PPOX: variants seen among roughly 807,000 people sequenced by gnomAD.
PPOX encodes the protein protoporphyrinogen oxidase, also known as variegate porphyria.
In PPOX, 23 loss-of-function variants were observed where a neutral mutation model predicts 54.1. That is an observed-to-expected ratio of 0.43 (90% CI 0.31 to 0.60). The LOEUF (loss-of-function observed/expected upper bound fraction) is 0.60, where lower values mean the gene tolerates loss of function less well. Among genes scored for constraint, PPOX ranks in the 20% least tolerant of loss-of-function variants. PPOX has a pLI of 0.13. For synonymous variants in PPOX, 224 were observed against 236.1 expected (o/e 0.95, Z 0.47); for missense variants, 512 against 601.1 (o/e 0.85, Z 1.55).
downstream of PPOX, chr1:161,171,365 G>A: frequency 9.7e-7 from 1 of 1,030,220 alleles, no homozygotes; most frequent in Non-Finnish European, 1.4e-6. Flanking sequence ...CCCTGAGCCA[G>A]GACCAGAAGA....
intron 9 of PPOX, 88 bp from the exon 10 acceptor site, chr1:161,170,321 T>TTTC: frequency 2.7e-6 from 1 of 367,766 alleles, no homozygotes. Flanking sequence ...TGAGACTCTG[T>TTTC]CCCCCCCACC....
intron 8 of PPOX, 45 bp downstream of exon 8, chr1:161,169,765 G>A (rs1445531847): frequency 6.2e-7 from 1 of 1,613,740 alleles, no homozygotes; most frequent in East Asian, 2.2e-5. Context: ...CTACCAGTGA[G>A]AAGCAAAAGC....
At chr1:161,177,044 G>T (rs769600628), downstream of PPOX, 1 of 1,535,990 alleles carries the variant, frequency 6.5e-7, no homozygotes, top group Admixed American at 2.0e-5. Flanking sequence ...TAGGGTGGGG[G>T]TGGCGTCCTC....
downstream of PPOX, chr1:161,175,869 G>T (rs767196265): frequency 1.2e-6 from 2 of 1,614,130 alleles, no homozygotes; most frequent in South Asian, 1.1e-5. Context: ...GACCCCCTGG[G>T]GCCCCAGGCA....
At chr1:161,176,298 C>A in intron 4 of PPOX, 1 of 585,872 alleles carries the variant, frequency 1.7e-6, no homozygotes, top group South Asian at 2.1e-5. Context: ...TCCTCTACCT[C>A]CCCCCAAACC....
chr1:161,170,499 C>T lies in PPOX; in HGVS notation c.1078C>T (p.Pro360Ser). The change falls in exon 10 of 13, where the codon CCC (proline) becomes TCC (serine). Residue 360 changes from proline to serine, a missense_variant. By Grantham distance (74) the Pro-to-Ser change is moderately conservative. Transcript: ENST00000367999. Reference protein sequence around the residue: ...SVAFPEQDGSPPGLRVTVMLG... With the variant: ...SVAFPEQDGSSPGLRVTVMLG... ...TGCTTTCCCTGAGCAGGACGGGAGC[C>T]CCCCTGGCCTCAGAGTGACTGTGAG... 2 of 1,614,164 alleles carry T rather than the reference C, an allele frequency of 1.2e-6. No individual in the cohort carries two copies. Among genetic ancestry groups the T allele is most frequent in the Non-Finnish European group, 1.7e-6 (2 of 1,180,008 alleles).
In PPOX at chr1:161,167,425, G is replaced by C; in HGVS notation, c.277G>C (p.Ala93Pro). The C allele has an allele frequency of 6.2e-7, 1 of 1,613,720 alleles. No individual in the cohort carries two copies. Residue 93 changes from alanine to proline, a missense_variant, in exon 4 of 13, where the codon GCT becomes CCT. Coordinates refer to ENST00000367999, the MANE Select transcript of PPOX (RefSeq NM_001122764.3). Reference protein sequence around the residue: ...EVLPVRGDHPAAQNRFLYVGG... With the variant: ...EVLPVRGDHPPAQNRFLYVGG... ...GCTGCCTGTCCGGGGAGACCACCCA[G>C]CTGCCCAGAACAGGTTCCTCTACGT...
downstream of PPOX, chr1:161,176,067 G>A: frequency 2.5e-6 from 4 of 1,613,946 alleles, no homozygotes; most frequent in Non-Finnish European, 3.4e-6. Flanking sequence ...ACATCCTGGG[G>A]GTGAGATCTA....
At chr1:161,171,328 AT>A, downstream of PPOX, 1 of 1,277,422 alleles carries the variant, frequency 7.8e-7, no homozygotes, top group Non-Finnish European at 1.1e-6. Flanking sequence ...AAAGTCCTTT[AT>A]TAGAAAATAT....
downstream of PPOX, chr1:161,171,313 G>T (rs1043484446): frequency 7.9e-6 from 11 of 1,396,936 alleles, no homozygotes; most frequent in Non-Finnish European, 8.0e-6. Context: ...GAGCAGATGC[G>T]AGACAAAGTC....
At chr1:161,174,931 G>T, downstream of PPOX, 1 of 1,520,248 alleles carries the variant, frequency 6.6e-7, no homozygotes, top group Non-Finnish European at 9.1e-7. Flanking sequence ...AAAGTGAAGT[G>T]GCATGTGCTT....
chr1:161,167,549 C>CTTCTT lies in PPOX; in HGVS notation c.338+71_338+75dup, dbSNP rs1553237547. On this transcript the variant is annotated intron_variant, in intron 4 of 12. Transcript: ENST00000367999. ...ATCCTCATATGCCTTCCATTTCTTT[C>CTTCTT]TTCTTTTCTTTTTTTTTTTTTTTTT... 6 of 692,946 alleles carry CTTCTT rather than the reference C, an allele frequency of 8.7e-6. No individual in the cohort carries two copies. In the African/African-American group the frequency reaches 1.3e-4, roughly 15 times the overall value. The allele number at this position is 692,946 out of a possible 1,614,324, so 42.9% of individuals were successfully genotyped here. A position where few individuals can be genotyped will look rare whatever the true frequency, so the allele number is the denominator to read the frequency against.
At chr1:161,173,333 C>T (rs1662195614), downstream of PPOX, among the ~76,000 whole-genome samples, 1 of 152,196 alleles carries the variant, frequency 6.6e-6, no homozygotes, top group Non-Finnish European at 1.5e-5. Flanking sequence ...TGTCTCTGGG[C>T]CCCTTTCCAG....
downstream of PPOX, chr1:161,171,969 C>A: frequency 6.2e-7 from 1 of 1,614,128 alleles, no homozygotes; most frequent in Non-Finnish European, 8.5e-7. Flanking sequence ...GAGGGTCAGT[C>A]CCAATGTCTG....
chr1:161,173,968 G>C, downstream of PPOX: 1 of 1,614,168 alleles, frequency 6.2e-7, no homozygotes, highest in Non-Finnish European at 8.5e-7. Context: ...TGCAAGAACA[G>C]GCAGTCCCAC....
chr1:161,171,280 T>C, downstream of PPOX: 1 of 1,581,032 alleles, frequency 6.3e-7, no homozygotes. Context: ...AGAGGCAAAG[T>C]GTGCCTGGGA....
At chr1:161,171,650 C>T, downstream of PPOX, 3 of 958,674 alleles carry the variant, frequency 3.1e-6, no homozygotes, top group Non-Finnish European at 3.0e-6. Context: ...CTCAGGTCTA[C>T]AGGAGCCCAG....
chr1:161,176,519 A>C, intron 4 of PPOX: 1 of 399,308 alleles, frequency 2.5e-6, no homozygotes, highest in Non-Finnish European at 4.6e-6. Context: ...CTAAAATTGG[A>C]AATGTCACAG....
At chr1:161,176,671 G>A (rs1273238665) in intron 4 of PPOX, 2 of 603,292 alleles carry the variant, frequency 3.3e-6, no homozygotes, top group Non-Finnish European at 5.9e-6. Flanking sequence ...CGAAGTGAAG[G>A]AAAGTGGTTG....
Sources: allele counts gnomAD v4.1 joint callset (sites outside exome capture counted in the v4.1 genomes callset), GRCh38; gene constraint gnomAD v4.1.1; transcripts MANE v1.5; gene names NCBI Gene and HGNC (gene_info 2026-07-23, HGNC 2026-07-21).